GPR35: variants seen among roughly 807,000 people sequenced by gnomAD.
GPR35 encodes the protein G protein-coupled receptor 35.
For missense variants in GPR35, 372 were observed against 422.5 expected (o/e 0.88, Z 1.05); for synonymous variants, 207 against 198.4 (o/e 1.04, Z -0.36).
chr2:240,619,271 G>A (rs1201643819), intron 5 of GPR35, among the ~76,000 whole-genome samples: 1 of 152,120 alleles, frequency 6.6e-6, no homozygotes, highest in Non-Finnish European at 1.5e-5. Flanking sequence ...TTTTATGATC[G>A]TTTTGAGCTT....
At chr2:240,612,686 G>T (rs939634922) in intron 2 of GPR35, among the ~76,000 whole-genome samples, 1 of 152,232 alleles carries the variant, frequency 6.6e-6, no homozygotes, top group African/African-American at 2.4e-5. Flanking sequence ...TTGCAAGACT[G>T]GCCTGAGCCG....
chr2:240,617,227 A>G, exon 4 of GPR35: 1 of 642,754 alleles, frequency 1.6e-6, no homozygotes, highest in Non-Finnish European at 2.8e-6. Context: ...CTGGAAGTGA[A>G]TCTCCTCGTA....
intron 2 of GPR35, among the ~76,000 whole-genome samples, chr2:240,616,201 TG>T: frequency 6.6e-6 from 1 of 152,250 alleles, no homozygotes; most frequent in African/African-American, 2.4e-5. Flanking sequence ...TCCTTCTGTT[TG>T]CCTCTTGCCT....
At chr2:240,610,609 TG>T (rs2043173860) in intron 2 of GPR35, among the ~76,000 whole-genome samples, 1 of 151,928 alleles carries the variant, frequency 6.6e-6, no homozygotes, top group Non-Finnish European at 1.5e-5. Flanking sequence ...TACAGGCATG[TG>T]GCACCACACG....
chr2:240,628,337 T>C (rs888632233), intron 1 of GPR35: 9 of 152,138 alleles, frequency 5.9e-5, no homozygotes, highest in African/African-American at 1.7e-4. Flanking sequence ...GGGTGAAGTG[T>C]TGCTCATGAA....
rs1050777602 is a variant in GPR35, at chr2:240,625,527, G to A, written c.-46G>A. ...CAGCCACTGTGCAGGCTTTGGCAGC[G>A]GGGGTCACACACTCCACCCGGGAGG... On this transcript the variant is annotated 5_prime_UTR_variant, in exon 1 of 2. Coordinates refer to ENST00000407714, the MANE Select transcript of GPR35 (RefSeq NM_005301.5). 6 of 985,844 alleles carry A rather than the reference G, an allele frequency of 6.1e-6. No homozygotes were observed. The highest frequency in any genetic ancestry group is 7.2e-6 in the Non-Finnish European group (6 of 830,334). 61.1% of individuals were successfully genotyped at this position (985,844 alleles called of 1,614,324 possible).
chr2:240,625,848 G>A (rs1237907478), intron 1 of GPR35, among the ~76,000 whole-genome samples: 189 of 120,454 alleles, frequency 1.6e-3, no homozygotes, highest in Non-Finnish European at 1.7e-3. Context: ...AGTGGGGTGA[G>A]GCTGTGATGG....
chr2:240,615,956 A>T (rs1365849815), intron 2 of GPR35, among the ~76,000 whole-genome samples: 1 of 152,168 alleles, frequency 6.6e-6, no homozygotes. Context: ...TGCAGGCCAA[A>T]ATCCTCTGTG....
At chr2:240,623,344 AGGGCGCAAACAGGTCG>A (rs2043323145), upstream of GPR35, among the ~76,000 whole-genome samples, 1 of 142,704 alleles carries the variant, frequency 7.0e-6, no homozygotes, top group Non-Finnish European at 1.6e-5. Flanking sequence ...ACAGGTCGTG[AGGGCGCAAACAGGTCG>A]TGAGGGCGCA....
intron 4 of GPR35, chr2:240,618,783 T>A (rs1294558747): frequency 2.0e-6 from 1 of 491,270 alleles, no homozygotes; most frequent in African/African-American, 2.0e-5. Context: ...TAAAAACACA[T>A]CAATTGTCTA....
At position 240,632,235 on chromosome 2, in the gene GPR35, A is replaced by G; in HGVS notation, c.*1353A>G. 6.6e-6 allele frequency among the ~76,000 whole-genome samples: 1 copy of G among 151,224 alleles called. No homozygotes were observed. The highest frequency in any genetic ancestry group is 2.1e-4 in the South Asian group (1 of 4,762). On this transcript the variant is annotated 3_prime_UTR_variant, in exon 2 of 2. Coordinates refer to ENST00000407714, the MANE Select transcript of GPR35 (RefSeq NM_005301.5). Reference sequence around the variant, plus strand: ...GAGGGTCCCATGCCTGGAAGGGTCCATGCTCAGGAGGGTTCATGCCCAGGA... The same window carrying G: ...GAGGGTCCCATGCCTGGAAGGGTCCGTGCTCAGGAGGGTTCATGCCCAGGA...
chr2:240,612,205 C>T (rs948383303), intron 2 of GPR35, among the ~76,000 whole-genome samples: 67 of 150,248 alleles, frequency 4.5e-4, no homozygotes, highest in East Asian at 3.9e-4. Context: ...CCGAGGCGGG[C>T]GGATCATGAG....
intron 2 of GPR35, among the ~76,000 whole-genome samples, chr2:240,612,689 C>T (rs541624064): frequency 3.6e-4 from 55 of 152,356 alleles, no homozygotes; most frequent in Non-Finnish European, 5.6e-4. Context: ...CAAGACTGGC[C>T]TGAGCCGCAC....
At chr2:240,621,759 G>A (rs1189297490), upstream of GPR35, among the ~76,000 whole-genome samples, 1 of 152,232 alleles carries the variant, frequency 6.6e-6, no homozygotes, top group African/African-American at 2.4e-5. Context: ...ACAGAGCAGG[G>A]TGTCGTCAGA....
At chr2:240,624,050 G>A (rs1387414198), upstream of GPR35, among the ~76,000 whole-genome samples, 1 of 152,144 alleles carries the variant, frequency 6.6e-6, no homozygotes, top group Non-Finnish European at 1.5e-5. Flanking sequence ...GGCTCTGGTG[G>A]GCTGGGTAGG....
chr2:240,614,495 A>C (rs1455987592), intron 2 of GPR35, among the ~76,000 whole-genome samples: 1 of 151,938 alleles, frequency 6.6e-6, no homozygotes, highest in African/African-American at 2.4e-5. Flanking sequence ...TGGTTTCCCC[A>C]CCTGTGCAGC....
chr2:240,630,334 C>T lies in GPR35; in HGVS notation c.382C>T (p.Arg128Trp), dbSNP rs766897978. 56 of 1,596,038 alleles carry T rather than the reference C, an allele frequency of 3.5e-5. No individual in the cohort carries two copies. Among genetic ancestry groups the T allele is most frequent in the East Asian group, 4.5e-5 (2 of 44,640 alleles). The change falls in exon 2 of 2, where the codon CGG becomes TGG. Residue 128 changes from arginine (R) to tryptophan (W), a missense_variant. Transcript: ENST00000407714. Reference sequence around the variant, plus strand: ...GCACCCGCTGCGTGCCCGCGGGCTGCGGTCCCCCAGGCAGGCTGCGGCCGT... The same window carrying T: ...GCACCCGCTGCGTGCCCGCGGGCTGTGGTCCCCCAGGCAGGCTGCGGCCGT... ...VRHPLRARGL[R>W]SPRQAAAVCA...
At chr2:240,617,537 G>T (rs1417194055) in intron 4 of GPR35, 7 of 350,716 alleles carry the variant, frequency 2.0e-5, no homozygotes, top group Non-Finnish European at 3.2e-5. Flanking sequence ...TTTATTAGCA[G>T]AAATGTATCT....
chr2:240,605,529 C>T (rs1242019350), exon 1 of GPR35: 2 of 152,348 alleles, frequency 1.3e-5, no homozygotes, highest in Non-Finnish European at 2.9e-5. Context: ...TTTCACAGTC[C>T]TCCAGGCTTG....
Sources: gnomAD v4.1 joint callset for allele counts (sites outside exome capture counted in the v4.1 genomes callset) on GRCh38, gnomAD v4.1.1 for gene constraint, MANE v1.5 for transcripts, NCBI Gene and HGNC (gene_info 2026-07-23, HGNC 2026-07-21) for gene names.